CTNND2: variants seen among roughly 807,000 people sequenced by gnomAD.
The protein encoded by CTNND2 is catenin delta 2.
Under a neutral mutation model 144.4 loss-of-function variants are expected in CTNND2, and 22 were observed. The observed-to-expected ratio is 0.15, with a 90% CI of 0.11 to 0.22. CTNND2 has a LOEUF of 0.22. Among genes scored for constraint, CTNND2 ranks in the 10% least tolerant of loss-of-function variants. The pLI is 1.00. For synonymous variants in CTNND2, 751 were observed against 695.6 expected, an observed-to-expected ratio of 1.08 and a Z score of -1.25; for missense variants, 1,353 against 1,618.8, an observed-to-expected ratio of 0.84 and a Z score of 2.82.
intron 3 of CTNND2, among the ~76,000 whole-genome samples, chr5:11,422,221 T>C (rs1762426731): frequency 7.0e-6 from 1 of 142,604 alleles, no homozygotes. Flanking sequence ...CTACCTTTTT[T>C]TCCCCCACGC....
At position 11,813,730 on chromosome 5, in the gene CTNND2, G is replaced by C. The variant is rs571568437; in HGVS notation, c.38-81458C>G. 4.9e-4 allele frequency among the ~76,000 whole-genome samples: 74 copies of C among 152,164 alleles called. No homozygotes were observed. In the East Asian group the frequency reaches 5.0e-3, roughly 10 times the overall value. ...GGTCTCGCTATGTTGCCTAGGCTGGGCGCAAACTCCTGGCCTCAAGCGATC... is the reference window on the plus strand; with the variant it reads ...GGTCTCGCTATGTTGCCTAGGCTGGCCGCAAACTCCTGGCCTCAAGCGATC... On this transcript the variant is annotated intron_variant, in intron 1 of 21. Transcript: ENST00000304623.
intron 12 of CTNND2, 94 bp downstream of exon 12, chr5:11,159,482 G>A (rs1431298905): frequency 1.9e-6 from 2 of 1,038,092 alleles, no homozygotes; most frequent in African/African-American, 3.2e-5. Flanking sequence ...AGAATGGTCT[G>A]ATCCTCAGTA....
intron 1 of CTNND2, among the ~76,000 whole-genome samples, chr5:11,856,601 T>C (rs1795261946): frequency 6.6e-6 from 1 of 151,938 alleles, no homozygotes; most frequent in African/African-American, 2.4e-5. Context: ...AAACAGAGGA[T>C]AGAATATGAA....
chr5:11,532,867 T>C (rs1330812771), intron 3 of CTNND2, among the ~76,000 whole-genome samples: 2 of 152,248 alleles, frequency 1.3e-5, no homozygotes, highest in African/African-American at 2.4e-5. Flanking sequence ...GGTTACTTGT[T>C]GTTTCTCCAA....
chr5:11,292,138 G>A (rs921178092), intron 9 of CTNND2, among the ~76,000 whole-genome samples: 4 of 152,128 alleles, frequency 2.6e-5, no homozygotes, highest in African/African-American at 4.8e-5. Flanking sequence ...ATGTAATAAC[G>A]ACAATAAAAC....
intron 14 of CTNND2, among the ~76,000 whole-genome samples, 163 bp from the exon 15 acceptor site, chr5:11,098,911 A>C (rs1160885402): frequency 6.6e-6 from 1 of 152,182 alleles, no homozygotes; most frequent in Non-Finnish European, 1.5e-5. Flanking sequence ...GGATCACTAA[A>C]AGTGGAAGCC....
intron 9 of CTNND2, among the ~76,000 whole-genome samples, chr5:11,295,586 T>C (rs371073127): frequency 8.5e-5 from 13 of 152,208 alleles, no homozygotes; most frequent in South Asian, 6.2e-4. Context: ...CAAAATATAC[T>C]ACAAGGCTAC....
chr5:11,890,959 TAGA>T lies in CTNND2; in HGVS notation c.37+12855_37+12857del, dbSNP rs547964922. 8.6e-4 allele frequency among the ~76,000 whole-genome samples: 131 copies of T among 152,250 alleles called. 1 individual carries two copies. Among genetic ancestry groups the T allele is most frequent in the African/African-American group, 3.1e-3 (128 of 41,550 alleles). On this transcript the variant is annotated intron_variant, in intron 1 of 21. Coordinates refer to ENST00000304623, the MANE Select transcript of CTNND2 (RefSeq NM_001332.4). ...AAGCTAAGGCAAGATGTGGGTGAAC[TAGA>T]AGGAGCCCTAGGACGGCTGTAGGAA...
intron 2 of CTNND2, among the ~76,000 whole-genome samples, chr5:11,567,758 C>G (rs1382300840): frequency 2.0e-5 from 3 of 152,012 alleles, no homozygotes; most frequent in African/African-American, 7.2e-5. Context: ...TATTAATTAT[C>G]CTTTTTGTTA....
chr5:11,572,252 A>G (rs986668099), intron 2 of CTNND2, among the ~76,000 whole-genome samples: 2 of 152,182 alleles, frequency 1.3e-5, no homozygotes, highest in African/African-American at 4.8e-5. Flanking sequence ...CCTTCTAAGC[A>G]TAACCATATC....
chr5:11,739,119 A>T (rs972358947), intron 1 of CTNND2, among the ~76,000 whole-genome samples: 1 of 152,186 alleles, frequency 6.6e-6, no homozygotes, highest in Non-Finnish European at 1.5e-5. Context: ...CAGTGGGTAC[A>T]CTATTGAACA....
At chr5:11,359,514 A>G (rs1002620103) in intron 8 of CTNND2, among the ~76,000 whole-genome samples, 4 of 152,016 alleles carry the variant, frequency 2.6e-5, no homozygotes, top group Non-Finnish European at 5.9e-5. Flanking sequence ...ACCAGGGACC[A>G]CTCTGTGGCA....
intron 16 of CTNND2, among the ~76,000 whole-genome samples, chr5:11,051,826 T>A (rs1026430161): frequency 3.3e-5 from 5 of 152,224 alleles, no homozygotes; most frequent in Non-Finnish European, 7.3e-5. Flanking sequence ...TGATCAGATC[T>A]TGTGTCCCAA....
At chr5:11,732,980 A>G (rs1312476756) in intron 1 of CTNND2, among the ~76,000 whole-genome samples, 1 of 152,112 alleles carries the variant, frequency 6.6e-6, no homozygotes, top group Non-Finnish European at 1.5e-5. Flanking sequence ...GAGCTTCTGG[A>G]GAGCTAACCA....
intron 12 of CTNND2, among the ~76,000 whole-genome samples, chr5:11,150,377 G>A (rs1395622461): frequency 2.0e-5 from 3 of 152,220 alleles, no homozygotes; most frequent in Non-Finnish European, 4.4e-5. Flanking sequence ...GGGGGCCAGA[G>A]AGCATAGAAT....
At chr5:11,232,331 CAG>C (rs35005425) in intron 10 of CTNND2, among the ~76,000 whole-genome samples, 133,088 of 152,144 alleles carry the variant, frequency 0.87, 58,312 homozygotes, top group East Asian at 0.97. Flanking sequence ...GGAAAAGCTG[CAG>C]ACACTCAACA....
chr5:11,513,429 C>A (rs113548170), intron 3 of CTNND2, among the ~76,000 whole-genome samples: 1 of 152,188 alleles, frequency 6.6e-6, no homozygotes. Context: ...ATTAGACAGG[C>A]TGCAAAGGGT....
rs187420474 is a variant in CTNND2 at position 11,068,790 on chromosome 5, G to A, written c.2788+13906C>T. Among the ~76,000 whole-genome samples the A allele has an allele frequency of 6.5e-3, 988 of 152,284 alleles. 2 individuals are homozygous for A. Among genetic ancestry groups the A allele is most frequent in the Non-Finnish European group, 9.3e-3 (635 of 68,024 alleles). On this transcript the variant is annotated intron_variant, in intron 16 of 21. Coordinates refer to ENST00000304623, the MANE Select transcript of CTNND2 (RefSeq NM_001332.4). ...AAATTATCCGGGCGTGGTGGCGGGC[G>A]CCTGTAGTCCCAGCTATGTGGGGGG...
chr5:11,702,041 G>T (rs1785461372), intron 2 of CTNND2, among the ~76,000 whole-genome samples: 1 of 152,190 alleles, frequency 6.6e-6, no homozygotes, highest in Admixed American at 6.6e-5. Flanking sequence ...TCTTCCTCAT[G>T]CCTCAACCAT....
Sources: gnomAD v4.1 joint callset for allele counts (sites outside exome capture counted in the v4.1 genomes callset) on GRCh38, gnomAD v4.1.1 for gene constraint, MANE v1.5 for transcripts, NCBI Gene and HGNC (gene_info 2026-07-23, HGNC 2026-07-21) for gene names.